Variants in SGCD observed in about 807,000 individuals in gnomAD.
SGCD encodes sarcoglycan delta.
SGCD carries 18 observed loss-of-function variants against 36.6 expected under a neutral mutation model. The ratio of observed to expected loss-of-function variants is 0.49; its 90% CI spans 0.34 to 0.73. The LOEUF is 0.73. Ranked by LOEUF, SGCD falls within the 30% of genes least tolerant of loss-of-function variation. The pLI is 0.01. For missense variants in SGCD, 387 were observed against 346.7 expected, an observed-to-expected ratio of 1.12 and a Z score of -0.92; for synonymous variants, 133 against 130.6, an observed-to-expected ratio of 1.02 and a Z score of -0.12.
At chr5:156,453,328 G>T (rs896146597) in intron 3 of SGCD, among the ~76,000 whole-genome samples, 1 of 152,104 alleles carries the variant, frequency 6.6e-6, no homozygotes, top group Non-Finnish European at 1.5e-5. Flanking sequence ...TATATTATAA[G>T]GTTCAGTTAC....
At chr5:155,802,548 G>C in the SGCD span, among the ~76,000 whole-genome samples, 1 of 152,156 alleles carries the variant, frequency 6.6e-6, no homozygotes, top group Non-Finnish European at 1.5e-5. Context: ...AAATGTCTTG[G>C]AAAATAAAGC....
At chr5:156,686,133 T>A (rs932399052) in intron 7 of SGCD, among the ~76,000 whole-genome samples, 3 of 152,226 alleles carry the variant, frequency 2.0e-5, no homozygotes, top group African/African-American at 7.2e-5. Context: ...TTACATCTAT[T>A]TAATCTTCAA....
chr5:156,233,113 C>T (rs1162467545), intron 3 of SGCD, among the ~76,000 whole-genome samples: 1 of 152,116 alleles, frequency 6.6e-6, no homozygotes, highest in East Asian at 1.9e-4. Context: ...CATTTCAATT[C>T]ATTTCACCTG....
rs186898636 is a variant in SGCD, at chr5:155,904,043, G to A, written c.-282+33619G>A. Among the ~76,000 whole-genome samples the A allele has an allele frequency of 2.7e-3, 406 of 152,280 alleles. 5 individuals are homozygous for A. The highest frequency in any genetic ancestry group is 4.2e-3 in the Non-Finnish European group (289 of 68,022). On this transcript the variant is annotated intron_variant, in intron 1 of 9. Transcript: ENST00000517913. The stretch of plus-strand genomic sequence containing the variant: ...CCCAGTGAAGTGCTCACTCTGCTGC[G>A]TGTGTGTGCTCATGTGTCACTGTGC...
intron 3 of SGCD, among the ~76,000 whole-genome samples, chr5:156,222,692 T>A (rs1370903572): frequency 6.6e-6 from 1 of 152,122 alleles, no homozygotes; most frequent in East Asian, 1.9e-4. Context: ...AGATGAAATG[T>A]TCTTCTTTAT....
intron 1 of SGCD, among the ~76,000 whole-genome samples, chr5:156,047,505 A>C (rs1221296660): frequency 6.6e-6 from 1 of 152,104 alleles, no homozygotes; most frequent in African/African-American, 2.4e-5. Context: ...TGATACTGAA[A>C]ATTCTAGGGC....
intron 3 of SGCD, among the ~76,000 whole-genome samples, chr5:156,153,914 C>T (rs1762887426): frequency 6.6e-6 from 1 of 151,620 alleles, no homozygotes; most frequent in African/African-American, 2.4e-5. Context: ...GATTAACCAC[C>T]CCAGTTGTTT....
intron 3 of SGCD, among the ~76,000 whole-genome samples, chr5:156,229,251 TAC>T (rs1462737233): frequency 8.5e-5 from 9 of 106,110 alleles, no homozygotes; most frequent in South Asian, 3.2e-4. Context: ...TATATATATA[TAC>T]ATACATACAT....
intron 3 of SGCD, among the ~76,000 whole-genome samples, chr5:156,351,725 C>G (rs1162541727): frequency 1.3e-5 from 2 of 152,002 alleles, no homozygotes; most frequent in African/African-American, 4.8e-5. Context: ...TAATCATTAT[C>G]CAGGCTGCCA....
At chr5:156,265,446 GAAA>G (rs1425754337) in intron 3 of SGCD, among the ~76,000 whole-genome samples, 3 of 151,864 alleles carry the variant, frequency 2.0e-5, no homozygotes, top group Non-Finnish European at 4.4e-5. Context: ...TTTTCTGCCA[GAAA>G]AATGAATGTG....
chr5:155,795,255 A>C, the SGCD span, among the ~76,000 whole-genome samples: 1 of 152,158 alleles, frequency 6.6e-6, no homozygotes, highest in Non-Finnish European at 1.5e-5. Flanking sequence ...GATATAATTA[A>C]ATATTGACTG....
intron 1 of SGCD, among the ~76,000 whole-genome samples, chr5:155,989,462 T>C (rs1295114189): frequency 6.6e-6 from 1 of 152,166 alleles, no homozygotes; most frequent in Non-Finnish European, 1.5e-5. Flanking sequence ...TGTTTGCCAA[T>C]CACAGTTCTA....
chr5:156,256,317 C>CTTTCCAGTTGTCCCACCT (rs1185008030), intron 3 of SGCD, among the ~76,000 whole-genome samples: 3 of 152,162 alleles, frequency 2.0e-5, no homozygotes, highest in African/African-American at 7.2e-5. Flanking sequence ...CGGAAATCTC[C>CTTTCCAGTTGTCCCACCT]CTTCAGCCCC....
the SGCD span, among the ~76,000 whole-genome samples, chr5:155,811,836 A>T: frequency 2.6e-3 from 398 of 152,250 alleles, no homozygotes; most frequent in African/African-American, 8.9e-3. Flanking sequence ...ATTTAGGGTC[A>T]TTTGATTATG....
At chr5:156,618,811 G>A (rs1426000669) in intron 6 of SGCD, among the ~76,000 whole-genome samples, 6 of 152,016 alleles carry the variant, frequency 3.9e-5, no homozygotes, top group African/African-American at 1.2e-4. Flanking sequence ...GATTTAATAT[G>A]AGCATCGTAG....
chr5:155,925,010 C>G (rs559176486), intron 1 of SGCD, among the ~76,000 whole-genome samples: 1 of 151,928 alleles, frequency 6.6e-6, no homozygotes, highest in Admixed American at 6.6e-5. Flanking sequence ...GAATTTTTTA[C>G]TTGTCCTTAG....
At chr5:156,244,505 C>T (rs998409960) in intron 3 of SGCD, among the ~76,000 whole-genome samples, 3 of 152,066 alleles carry the variant, frequency 2.0e-5, no homozygotes, top group Non-Finnish European at 4.4e-5. Flanking sequence ...TAAAGTATAG[C>T]GTGGTAATGG....
At chr5:155,741,514 T>C in the SGCD span, among the ~76,000 whole-genome samples, 1 of 152,104 alleles carries the variant, frequency 6.6e-6, no homozygotes, top group African/African-American at 2.4e-5. Context: ...ATTTGGTATC[T>C]TATTTCTAGA....
chr5:156,739,454 A>G (rs1756552436), intron 7 of SGCD, among the ~76,000 whole-genome samples: 1 of 152,204 alleles, frequency 6.6e-6, no homozygotes, highest in Non-Finnish European at 1.5e-5. Flanking sequence ...ATAATTGCAA[A>G]TTGCGTCCAG....
Sources: allele counts gnomAD v4.1 joint callset (sites outside exome capture counted in the v4.1 genomes callset), GRCh38; gene constraint gnomAD v4.1.1; transcripts MANE v1.5; gene names NCBI Gene and HGNC (gene_info 2026-07-23, HGNC 2026-07-21).